The following PRRC2B variants were observed in gnomAD, a reference collection of about 807,000 sequenced individuals.
PRRC2B encodes the protein protein PRRC2B.
In PRRC2B, 68 loss-of-function variants were observed where a neutral mutation model predicts 242.3. The observed-to-expected ratio is 0.28, with a 90% CI of 0.23 to 0.34. PRRC2B has a LOEUF of 0.34. Among genes scored for constraint, PRRC2B ranks in the 10% least tolerant of loss-of-function variants. PRRC2B has a pLI of 1.00. For synonymous variants in PRRC2B, 1,228 were observed against 1,173.6 expected, an observed-to-expected ratio of 1.05 and a Z score of -0.95; for missense variants, 2,835 against 2,954.8, an observed-to-expected ratio of 0.96 and a Z score of 0.94.
chr9:131,393,498 T>C (rs961217172), upstream of PRRC2B, among the ~76,000 whole-genome samples: 6 of 152,254 alleles, frequency 3.9e-5, no homozygotes, highest in Non-Finnish European at 7.3e-5. Flanking sequence ...GTTTTCATTT[T>C]GTAAAAATGG....
At chr9:131,394,999 C>T (rs189661941) in intron 1 of PRRC2B, among the ~76,000 whole-genome samples, 1 of 151,996 alleles carries the variant, frequency 6.6e-6, no homozygotes, top group Non-Finnish European at 1.5e-5. Context: ...CCCCTCAACC[C>T]CCAGGAGAGA....
At chr9:131,439,164 G>A in intron 5 of PRRC2B, 103 bp downstream of exon 5, 2 of 931,518 alleles carry the variant, frequency 2.1e-6, no homozygotes, top group African/African-American at 1.6e-5. Flanking sequence ...AAGCTTTGAG[G>A]ACTCTCTTCC....
intron 1 of PRRC2B, among the ~76,000 whole-genome samples, chr9:131,425,614 A>G (rs1250571201): frequency 1.3e-5 from 2 of 151,464 alleles, no homozygotes; most frequent in African/African-American, 4.9e-5. Flanking sequence ...CAGTCCCCCA[A>G]GTAGCTGAGA....
rs539446682 is a variant in PRRC2B at position 131,447,216 on chromosome 9, T to C, written c.977+10T>C. The C allele has an allele frequency of 6.2e-7, 1 of 1,613,932 alleles. No homozygotes were observed. The highest frequency in any genetic ancestry group is 1.1e-5 in the South Asian group (1 of 91,056). On this transcript the variant is annotated intron_variant, in intron 8 of 31. Transcript: ENST00000683519. ...TGAATGACCAAGACGGGTGAGTCCA[T>C]TGCATTACAGTCACGTGTGTAGAGA...
intron 1 of PRRC2B, among the ~76,000 whole-genome samples, chr9:131,398,478 G>T (rs766961130): frequency 6.6e-6 from 1 of 152,178 alleles, no homozygotes; most frequent in Non-Finnish European, 1.5e-5. Flanking sequence ...TTCACATCTT[G>T]TACAGGACTT....
Position 131,447,095 on chromosome 9 carries a change from C to T in PRRC2B, c.866C>T (p.Pro289Leu), listed in dbSNP as rs377715883. The T allele has an allele frequency of 1.3e-5, 21 of 1,613,864 alleles. No individual in the cohort carries two copies. The highest frequency in any genetic ancestry group is 1.0e-4 in the Admixed American group (6 of 59,998). The part of the protein sequence containing the change: ...HDMLPAFMCS[P>L]KSSENQGTVE... Reference sequence around the variant, plus strand: ...GATGTTATGTTTCAGATGTGTTCGCCGAAGTCATCAGAAAACCAGGGTACA... The same window carrying T: ...GATGTTATGTTTCAGATGTGTTCGCTGAAGTCATCAGAAAACCAGGGTACA... The change falls in exon 8 of 32, where the codon CCG becomes CTG. Residue 289 changes from proline to leucine, a missense_variant. This residue lies in a region of PRRC2B where 626 missense variants were observed against 685.5 expected (regional missense o/e 0.91). Transcript: ENST00000683519.
rs754171611 is a variant in PRRC2B at position 131,476,056 on chromosome 9, G to A, written c.3927G>A (p.Lys1309=). 23 of 1,607,024 alleles carry A rather than the reference G, an allele frequency of 1.4e-5. No homozygotes were observed. The Admixed American group carries it at 3.9e-4, about 27-fold the overall frequency. The stretch of plus-strand genomic sequence containing the variant: ...GAAGGCGCCCCCCACGCCAAGATAA[G>A]CCCCCTCGATTCCGGCGCCTCCGGC... ...FRRRRPPRQD[K]PPRFRRLRQE... Residue 1309 remains lysine, a synonymous_variant, in exon 16 of 32, where the codon AAG becomes AAA. Coordinates refer to ENST00000683519, the MANE Select transcript of PRRC2B (RefSeq NM_013318.4).
chr9:131,394,633 G>T (rs1382557153), intron 1 of PRRC2B, among the ~76,000 whole-genome samples: 1 of 151,252 alleles, frequency 6.6e-6, no homozygotes, highest in Admixed American at 6.6e-5. Context: ...CGGGGGTCCC[G>T]GGCCCGCAGC....
chr9:131,397,158 T>C lies in PRRC2B; in HGVS notation c.-52+2895T>C, dbSNP rs1837083474. Among the ~76,000 whole-genome samples the C allele has an allele frequency of 2.0e-5, 3 of 152,226 alleles. No individual in the cohort carries two copies. In the South Asian group the frequency reaches 6.2e-4, roughly 31 times the overall value. ...CGGGCCCAGTCTGGCTCTATACTGT[T>C]AACTGGTTAGTTAGGCCAGGAGATA... On this transcript the variant is annotated intron_variant, in intron 1 of 31. Transcript: ENST00000683519.
intron 29 of PRRC2B, 78 bp from the exon 30 acceptor site, chr9:131,492,091 C>G: frequency 1.7e-6 from 2 of 1,156,548 alleles, no homozygotes; most frequent in South Asian, 2.5e-5. Context: ...CACCTCTGCC[C>G]TGGGTTGTTC....
intron 1 of PRRC2B, among the ~76,000 whole-genome samples, chr9:131,402,156 A>G (rs887240557): frequency 3.3e-5 from 5 of 152,256 alleles, no homozygotes; most frequent in African/African-American, 2.4e-5. Context: ...GAGTTTCGCC[A>G]TGTTGGCCAG....
chr9:131,473,797 A>G, intron 15 of PRRC2B, 73 bp downstream of exon 15: 1 of 1,178,048 alleles, frequency 8.5e-7, no homozygotes, highest in Admixed American at 2.0e-5. Context: ...GGGCCCTGGG[A>G]TGAGCTACCA....
intron 1 of PRRC2B, among the ~76,000 whole-genome samples, chr9:131,414,023 T>C (rs1837575613): frequency 6.6e-6 from 1 of 152,178 alleles, no homozygotes; most frequent in African/African-American, 2.4e-5. Context: ...TCCTACCAAA[T>C]ATCCAGACTT....
chr9:131,450,267 ATTTTT>A (rs368794681), intron 9 of PRRC2B, among the ~76,000 whole-genome samples: 181 of 145,494 alleles, frequency 1.2e-3, no homozygotes, highest in African/African-American at 4.4e-3. Context: ...GACATCTTAA[ATTTTT>A]TTTTTTTTTT....
At chr9:131,440,398 G>A (rs1374909627) in intron 5 of PRRC2B, among the ~76,000 whole-genome samples, 1 of 151,716 alleles carries the variant, frequency 6.6e-6, no homozygotes, top group Non-Finnish European at 1.5e-5. Flanking sequence ...ACCTCCATAA[G>A]GTTAGAATTT....
intron 1 of PRRC2B, among the ~76,000 whole-genome samples, chr9:131,373,986 G>A (rs982782552): frequency 8.6e-5 from 13 of 151,306 alleles, no homozygotes; most frequent in African/African-American, 2.9e-4. Context: ...GTGAACCCGG[G>A]AGGCGGAGCT....
At chr9:131,454,873 ATCC>A (rs1943025257) in intron 9 of PRRC2B, among the ~76,000 whole-genome samples, 200 bp from the exon 10 acceptor site, 1 of 149,322 alleles carries the variant, frequency 6.7e-6, no homozygotes, top group Non-Finnish European at 1.5e-5. Flanking sequence ...TGACCTCATG[ATCC>A]GCCCACCTCA....
rs1943696131 is a variant in PRRC2B, at chr9:131,476,274, A to T, written c.4145A>T (p.Asp1382Val). 6.2e-7 allele frequency: 1 copy of T among 1,610,042 alleles called. No homozygotes were observed. Among genetic ancestry groups the T allele is most frequent in the South Asian group, 1.1e-5 (1 of 90,612 alleles). Residue 1382 changes from aspartate to valine, a missense_variant, in exon 16 of 32, where the codon GAC becomes GTC. Physicochemically the swap from Asp to Val is radical, Grantham distance 152. Coordinates refer to ENST00000683519, the MANE Select transcript of PRRC2B (RefSeq NM_013318.4). ...EEWETASESS[D>V]FSERRERREG... ...TGGGAGACGGCCTCCGAAAGCAGCGACTTCAGCGAGCGGCGGGAGCGGCGG... is the reference window on the plus strand; with the variant it reads ...TGGGAGACGGCCTCCGAAAGCAGCGTCTTCAGCGAGCGGCGGGAGCGGCGG...
rs1588281878 is a variant in PRRC2B, at chr9:131,487,364, G to A, written c.5984+70G>A. Reference sequence around the variant, plus strand: ...GGCCTTGGCCCTGTGTGCAGCCTTCGTCCTGCAGCTGTTTGGTGCTTGTCT... The same window carrying A: ...GGCCTTGGCCCTGTGTGCAGCCTTCATCCTGCAGCTGTTTGGTGCTTGTCT... On this transcript the variant is annotated intron_variant, in intron 27 of 31. Coordinates refer to ENST00000683519, the MANE Select transcript of PRRC2B (RefSeq NM_013318.4). The surrounding 1 kb of genome is among the most constrained non-coding windows in gnomAD (Gnocchi z 5.3). 2 of 1,409,118 alleles carry A rather than the reference G, an allele frequency of 1.4e-6. No individual in the cohort carries two copies. The highest frequency in any genetic ancestry group is 2.9e-5 in the African/African-American group (2 of 69,228). The allele number at this position is 1,409,118 out of a possible 1,614,324, so 87.3% of individuals were successfully genotyped here.
Sources: gnomAD v4.1 joint callset for allele counts (sites outside exome capture counted in the v4.1 genomes callset) on GRCh38, gnomAD v4.1.1 for gene constraint, gnomAD v4.1.1 regional missense constraint, Gnocchi (gnomAD v3.1) non-coding constraint, MANE v1.5 for transcripts, NCBI Gene and HGNC (gene_info 2026-07-23, HGNC 2026-07-21) for gene names.